HELQ: variants seen among roughly 807,000 people sequenced by gnomAD.
HELQ encodes helicase POLQ-like.
HELQ carries 77 observed loss-of-function variants against 111.6 expected under a neutral mutation model. The ratio of observed to expected loss-of-function variants is 0.69; its 90% confidence interval spans 0.57 to 0.83. HELQ has a LOEUF of 0.83. Among genes scored for constraint, HELQ ranks in the 40% least tolerant of loss-of-function variants. The probability of loss-of-function intolerance (pLI) is 0.00; values close to 1 mark genes in which losing one functional copy is unlikely to be tolerated. For synonymous variants in HELQ, 438 were observed against 454.7 expected (o/e 0.96, Z 0.47); for missense variants, 1,200 against 1,288.5 (o/e 0.93, Z 1.05).
At chr4:83,427,755 A>C in intron 12 of HELQ, 35 bp from the exon 13 acceptor site, 1 of 1,397,526 alleles carries the variant, frequency 7.2e-7, no homozygotes, top group Non-Finnish European at 9.5e-7. Flanking sequence ...ATCTTTCACA[A>C]TTACCAGAGG....
intron 1 of HELQ, among the ~76,000 whole-genome samples, chr4:83,454,296 C>T (rs1721601399): frequency 6.6e-6 from 1 of 152,154 alleles, no homozygotes; most frequent in Non-Finnish European, 1.5e-5. Context: ...ACATATGGAT[C>T]ACAGACCTAT....
intron 17 of HELQ, among the ~76,000 whole-genome samples, chr4:83,410,461 G>A (rs980751549): frequency 6.6e-6 from 1 of 152,040 alleles, no homozygotes; most frequent in African/African-American, 2.4e-5. Flanking sequence ...TTTTTTTGGA[G>A]TGGTATAATT....
In HELQ at chr4:83,453,868, G is replaced by T; in HGVS notation, c.375C>A (p.Asp125Glu). Reference protein sequence around the residue: ...TENSFIAQVDDLEQKYMQLPE... With the variant: ...TENSFIAQVDELEQKYMQLPE... ...GGAGTTGCATATATTTTTGTTCCAG[G>T]TCGTCAACTTGAGCTATAAAGGAGT... is the stretch of plus-strand genomic sequence containing the variant. The change falls in exon 2 of 18, where the codon GAC (aspartate) becomes GAA (glutamate). Residue 125 changes from aspartate to glutamate, a missense_variant. Physicochemically the swap from Asp to Glu is conservative, Grantham distance 45. This residue lies in a region of HELQ where 610 missense variants were observed against 607.1 expected (regional missense o/e 1.00). Coordinates refer to ENST00000295488, the MANE Select transcript of HELQ (RefSeq NM_133636.5). 1 of 1,613,942 alleles carries T rather than the reference G, an allele frequency of 6.2e-7. No homozygotes were observed.
Position 83,448,939 on chromosome 4 carries a change from T to C in HELQ, c.1035A>G (p.Thr345=), listed in dbSNP as rs1246602675. Residue 345 remains threonine, a synonymous_variant, in exon 3 of 18, where the codon ACA becomes ACG. Transcript: ENST00000295488. The part of the protein sequence containing the change: ...KLYEWQHTCL[T]LNSVQERKNL... ...TTTTTCTTTCTTGCACAGAATTCAA[T>C]GTTAAACAAGTATGTTGCCATTCTG... 7 of 1,602,060 alleles carry C rather than the reference T, an allele frequency of 4.4e-6. No homozygotes were observed. The highest frequency in any genetic ancestry group is 6.0e-6 in the Non-Finnish European group (7 of 1,173,002).
intron 2 of HELQ, among the ~76,000 whole-genome samples, chr4:83,450,947 G>A (rs1484204749): frequency 6.6e-6 from 1 of 152,148 alleles, no homozygotes; most frequent in Non-Finnish European, 1.5e-5. Context: ...TATTCCTAGA[G>A]GTTCTGACGC....
intron 14 of HELQ, among the ~76,000 whole-genome samples, chr4:83,425,287 A>AAAG (rs1167393606): frequency 1.3e-5 from 2 of 151,950 alleles, no homozygotes; most frequent in African/African-American, 4.8e-5. Flanking sequence ...CTCAAAAAAA[A>AAAG]AAAAAAAAAA....
intron 7 of HELQ, 50 bp downstream of exon 7, chr4:83,441,255 C>A (rs377581277): frequency 1.0e-6 from 1 of 986,616 alleles, no homozygotes; most frequent in South Asian, 1.4e-5. Flanking sequence ...TCTTGTTGTG[C>A]CCCAGACACA....
intron 15 of HELQ, 38 bp downstream of exon 15, chr4:83,421,525 G>T (rs928394182): frequency 4.0e-6 from 6 of 1,505,136 alleles, no homozygotes; most frequent in East Asian, 4.6e-5. Flanking sequence ...AAAACCAGAA[G>T]ATGCACAAAG....
At chr4:83,443,339 CCTATACACAAACTCTTAAATTCT>C (rs921615234) in intron 6 of HELQ, among the ~76,000 whole-genome samples, 155 bp downstream of exon 6, 8 of 152,136 alleles carry the variant, frequency 5.3e-5, no homozygotes, top group Non-Finnish European at 1.0e-4. Flanking sequence ...AGATCCCTGA[CCTATACACAAACTCTTAAATTCT>C]CTATACACAA....
In HELQ at chr4:83,448,904, T is replaced by A. The variant is rs1302525985; in HGVS notation, c.1070A>T (p.Tyr357Phe). ...NSVQERKNLIYSLPTSGGKTL... is the reference protein window; with the variant it reads ...NSVQERKNLIFSLPTSGGKTL... ...TTTTCCACCACTTGTTGGCAAGGAA[T>A]ATATTAAATTTTTTCTTTCTTGCAC... The change falls in exon 3 of 18, where the codon TAT becomes TTT. Residue 357 changes from tyrosine (Y) to phenylalanine (F), a missense_variant. Tyr to Phe is a conservative substitution (Grantham distance 22). Around this residue, in one of 3 missense-constraint regions of HELQ, gnomAD observed 610 missense variants for 607.1 expected, o/e 1.00. Coordinates refer to ENST00000295488, the MANE Select transcript of HELQ (RefSeq NM_133636.5). 6.2e-7 allele frequency: 1 copy of A among 1,612,260 alleles called. No homozygotes were observed. The highest frequency in any genetic ancestry group is 1.7e-5 in the Admixed American group (1 of 59,954).
At chr4:83,444,017 C>G (rs566657502) in intron 5 of HELQ, among the ~76,000 whole-genome samples, 14 of 152,218 alleles carry the variant, frequency 9.2e-5, no homozygotes, top group African/African-American at 3.1e-4. Flanking sequence ...TGCACTGCAG[C>G]TTGGGCAACA....
chr4:83,417,941 G>A (rs1739451351), intron 16 of HELQ, 152 bp downstream of exon 16: 1 of 487,248 alleles, frequency 2.1e-6, no homozygotes, highest in East Asian at 3.2e-5. Flanking sequence ...GGCCATAACA[G>A]CTATTTGTTT....
chr4:83,447,696 CAAAAATAA>C (rs1373698357), intron 3 of HELQ, among the ~76,000 whole-genome samples: 1 of 151,152 alleles, frequency 6.6e-6, no homozygotes, highest in East Asian at 2.0e-4. Flanking sequence ...TCATCTCTAC[CAAAAATAA>C]AAAAATTAGC....
intron 9 of HELQ, among the ~76,000 whole-genome samples, chr4:83,434,824 A>C (rs1720364539): frequency 6.6e-6 from 1 of 152,132 alleles, no homozygotes; most frequent in South Asian, 2.1e-4. Context: ...CCACATTCTG[A>C]AAAATGTGTA....
intron 13 of HELQ, 117 bp downstream of exon 13, chr4:83,427,445 AG>A: frequency 1.4e-6 from 1 of 720,048 alleles, no homozygotes; most frequent in African/African-American, 1.8e-5. Context: ...GCTTGAGCCT[AG>A]GAGTTTGAGA....
In HELQ at chr4:83,453,770, C is replaced by T; in HGVS notation, c.473G>A (p.Ser158Asn). The change falls in exon 2 of 18, where the codon AGC becomes AAC. Residue 158 changes from serine to asparagine, a missense_variant. Transcript: ENST00000295488. ...LCSESIKNKL[S>N]ITTIGNLTEL... The stretch of plus-strand genomic sequence containing the variant: ...AGTAAGGTTGCCTATGGTAGTAATG[C>T]TGAGTTTGTTTTTGATACTTTCCGA... 3.1e-6 allele frequency: 5 copies of T among 1,614,154 alleles called. No homozygotes were observed. Among genetic ancestry groups the T allele is most frequent in the Non-Finnish European group, 4.2e-6 (5 of 1,180,032 alleles).
chr4:83,437,036 CA>C lies in HELQ; in HGVS notation c.1869del (p.Ile623MetfsTer10), dbSNP rs1269258707. The C allele has an allele frequency of 6.2e-7, 1 of 1,613,834 alleles. No homozygotes were observed. Among genetic ancestry groups the C allele is most frequent in the Non-Finnish European group, 8.5e-7 (1 of 1,179,808 alleles). ...KCEVIKNLKNIGNGNLCPVLK... is the reference protein window; with the variant it reads ...KCEVIKNLKNXGNGNLCPVLK... ...AAAACAGGACACAGGTTGCCATTGC[CA>C]ATATTCTTCAAGTTCTTAATCACCT... On this transcript the variant is annotated frameshift_variant, in exon 9 of 18. Coordinates refer to ENST00000295488, the MANE Select transcript of HELQ (RefSeq NM_133636.5). LOFTEE classifies it high-confidence loss of function.
intron 3 of HELQ, among the ~76,000 whole-genome samples, chr4:83,447,336 G>A (rs1015674084): frequency 4.6e-5 from 7 of 152,154 alleles, no homozygotes; most frequent in African/African-American, 1.7e-4. Context: ...GACAGAGCAA[G>A]ACCCTGACTC....
At chr4:83,421,790 T>C in intron 14 of HELQ, 54 bp from the exon 15 acceptor site, 1 of 1,398,612 alleles carries the variant, frequency 7.1e-7, no homozygotes, top group South Asian at 1.2e-5. Flanking sequence ...AAAATGTATG[T>C]TATTAAAATT....
Sources: gnomAD v4.1 joint callset for allele counts (sites outside exome capture counted in the v4.1 genomes callset) on GRCh38, gnomAD v4.1.1 for gene constraint, gnomAD v4.1.1 regional missense constraint, MANE v1.5 for transcripts, NCBI Gene and HGNC (gene_info 2026-07-23, HGNC 2026-07-21) for gene names.